TRPM3: variants seen among roughly 807,000 people sequenced by gnomAD.
TRPM3 encodes transient receptor potential cation channel subfamily M member 3, also known as long transient receptor potential channel 3.
A neutral mutation model predicts 181.2 loss-of-function variants in TRPM3; 77 were observed. That is an observed-to-expected ratio of 0.42 (90% confidence interval 0.35 to 0.51). The LOEUF is 0.51. Among genes scored for constraint, TRPM3 ranks in the 20% least tolerant of loss-of-function variants. The pLI is 0.01. For synonymous variants in TRPM3, 745 were observed against 796.4 expected, an observed-to-expected ratio of 0.94 and a Z score of 1.09; for missense variants, 1,759 against 2,196.7, an observed-to-expected ratio of 0.80 and a Z score of 3.98.
rs569057172 is a variant in TRPM3 at position 70,967,307 on chromosome 9, G to A, written c.178-102796C>T. ...CCCTGTGGGCAGGAGGGGAGGGAAG[G>A]TTGGAAAGATTTTGTGAAAAAGGGA... On this transcript the variant is annotated intron_variant, in intron 1 of 25. Transcript: ENST00000677713. Among the ~76,000 whole-genome samples, 6 of 152,160 alleles carry A rather than the reference G, an allele frequency of 3.9e-5. No homozygotes were observed. In the South Asian group the frequency reaches 1.0e-3, roughly 26 times the overall value.
At chr9:70,654,448 T>A (rs2060000353) in intron 9 of TRPM3, among the ~76,000 whole-genome samples, 2 of 151,946 alleles carry the variant, frequency 1.3e-5, no homozygotes, top group Non-Finnish European at 2.9e-5. Context: ...CACTTGGTGT[T>A]TTGAGCCCTC....
chr9:71,048,475 A>T (rs1427169631), intron 1 of TRPM3, among the ~76,000 whole-genome samples: 1 of 152,206 alleles, frequency 6.6e-6, no homozygotes. Flanking sequence ...TGAATAGTCC[A>T]ATCCGTCTTC....
chr9:70,790,018 A>G (rs2084973688), intron 6 of TRPM3, among the ~76,000 whole-genome samples: 1 of 152,234 alleles, frequency 6.6e-6, no homozygotes, highest in African/African-American at 2.4e-5. Flanking sequence ...CTTTATTAAC[A>G]GCAATTAACT....
At chr9:70,840,666 A>G (rs2094577819) in intron 5 of TRPM3, among the ~76,000 whole-genome samples, 1 of 152,190 alleles carries the variant, frequency 6.6e-6, no homozygotes. Context: ...TCAGAGAAAA[A>G]GTTGGAATGG....
chr9:70,784,160 T>A lies in TRPM3; in HGVS notation c.1093A>T (p.Ser365Cys). 1 of 1,613,608 alleles carries A rather than the reference T, an allele frequency of 6.2e-7. No individual in the cohort carries two copies. Among genetic ancestry groups the A allele is most frequent in the Non-Finnish European group, 8.5e-7 (1 of 1,179,784 alleles). The change falls in exon 7 of 26, where the codon AGT becomes TGT. Residue 365 changes from serine to cysteine, a missense_variant. Ser to Cys is a moderately radical substitution (Grantham distance 112). This residue lies in a region of TRPM3 where 737 missense variants were observed against 957.4 expected (regional missense o/e 0.77). Transcript: ENST00000677713. ...GCCAGGATGTCCGATGCCCGTCCAC[T>A]CCCATCACAGACAACCACTGGCACG... ...PPVPVVVCDG[S>C]GRASDILAFG...
At chr9:70,934,200 T>C (rs536942674) in intron 1 of TRPM3, among the ~76,000 whole-genome samples, 1 of 152,296 alleles carries the variant, frequency 6.6e-6, no homozygotes, top group African/African-American at 2.4e-5. Context: ...ATCTACATCA[T>C]GTTGCATTTT....
intron 1 of TRPM3, among the ~76,000 whole-genome samples, chr9:70,878,589 A>G (rs2095916772): frequency 6.6e-6 from 1 of 152,120 alleles, no homozygotes; most frequent in Admixed American, 6.6e-5. Context: ...CCATTACATT[A>G]CAAACTGATA....
Position 71,437,834 on chromosome 9 carries a change from C to T in TRPM3, c.183+8819G>A, listed in dbSNP as rs529876846. ...AGTGAGCAGAGATGGCACCACTTCA[C>T]TCCAGCCCGGGCAAAAGAGCGAAAC... On this transcript the variant is annotated intron_variant, in intron 1 of 24. Coordinates refer to the TRPM3 transcript ENST00000357533. Among the ~76,000 whole-genome samples, 37 of 145,620 alleles carry T rather than the reference C, an allele frequency of 2.5e-4. No individual in the cohort carries two copies. The Middle Eastern group carries it at 0.011, about 43-fold the overall frequency.
At chr9:71,335,730 A>G (rs543932285) in intron 1 of TRPM3, among the ~76,000 whole-genome samples, 35 of 152,274 alleles carry the variant, frequency 2.3e-4, no homozygotes, top group African/African-American at 8.2e-4. Flanking sequence ...CAAATCTTCA[A>G]ATTAATTTTG....
chr9:70,739,602 T>A (rs11515720), intron 8 of TRPM3, among the ~76,000 whole-genome samples: 5,685 of 152,086 alleles, frequency 0.037, 134 homozygotes, highest in Non-Finnish European at 0.05. Context: ...TTATTTATTT[T>A]TTTTTTTGAG....
At chr9:71,189,663 C>G (rs1180262269) in intron 1 of TRPM3, among the ~76,000 whole-genome samples, 1 of 151,740 alleles carries the variant, frequency 6.6e-6, no homozygotes, top group Non-Finnish European at 1.5e-5. Flanking sequence ...CCCCACACAA[C>G]CACTCACTTA....
Position 71,279,059 on chromosome 9 carries a change from AAAT to A in TRPM3, c.183+167591_183+167593del, listed in dbSNP as rs1292189317. 4.3e-3 allele frequency among the ~76,000 whole-genome samples: 633 copies of A among 148,230 alleles called. 89 individuals carry two copies. The highest frequency in any genetic ancestry group is 7.0e-3 in the African/African-American group (281 of 40,070). ...TTAAAAAAAATAAAAATAAAAATAAAAATAAAAAAACCACCAACGACCATTTAT... is the reference window on the plus strand; with the variant it reads ...TTAAAAAAAATAAAAATAAAAATAAAAAAAAAACCACCAACGACCATTTAT... On this transcript the variant is annotated intron_variant, in intron 1 of 24. Transcript: ENST00000357533.
At chr9:71,181,401 T>G (rs1453926951) in intron 1 of TRPM3, among the ~76,000 whole-genome samples, 4 of 151,512 alleles carry the variant, frequency 2.6e-5, no homozygotes, top group Non-Finnish European at 5.9e-5. Flanking sequence ...GAGAAAACTT[T>G]GCTCTTCAGC....
chr9:70,853,097 T>A (rs11142620), intron 3 of TRPM3, among the ~76,000 whole-genome samples: 32,004 of 152,184 alleles, frequency 0.21, 4,299 homozygotes, highest in Non-Finnish European at 0.28. Context: ...TATGAAGTAG[T>A]CACTGTCTTG....
chr9:71,175,664 G>T (rs1037540033), intron 1 of TRPM3, among the ~76,000 whole-genome samples: 3 of 152,150 alleles, frequency 2.0e-5, no homozygotes, highest in Non-Finnish European at 4.4e-5. Flanking sequence ...CATCACAGAA[G>T]GCAGAAAGTC....
chr9:71,027,761 G>A (rs1222816820), intron 1 of TRPM3, among the ~76,000 whole-genome samples: 2 of 152,068 alleles, frequency 1.3e-5, no homozygotes, highest in South Asian at 2.1e-4. Context: ...CAGACAAGAA[G>A]AAAGAAGAAA....
At chr9:70,978,113 C>T (rs2097325109) in intron 1 of TRPM3, among the ~76,000 whole-genome samples, 1 of 152,126 alleles carries the variant, frequency 6.6e-6, no homozygotes, top group Non-Finnish European at 1.5e-5. Context: ...CTAACAGTGG[C>T]CTCATTAGGA....
chr9:71,389,604 G>A (rs1316492177), intron 1 of TRPM3, among the ~76,000 whole-genome samples: 1 of 152,060 alleles, frequency 6.6e-6, no homozygotes, highest in Non-Finnish European at 1.5e-5. Flanking sequence ...ATCAACAAGT[G>A]GATAAATAAA....
At chr9:71,362,660 G>C (rs771192135) in intron 1 of TRPM3, among the ~76,000 whole-genome samples, 3 of 152,130 alleles carry the variant, frequency 2.0e-5, no homozygotes, top group Admixed American at 6.5e-5. Context: ...CTGTCTCTAT[G>C]ACTACAGGTA....
Sources: gnomAD v4.1 joint callset for allele counts (sites outside exome capture counted in the v4.1 genomes callset) on GRCh38, gnomAD v4.1.1 for gene constraint, gnomAD v4.1.1 regional missense constraint, MANE v1.5 for transcripts, NCBI Gene and HGNC (gene_info 2026-07-23, HGNC 2026-07-21) for gene names.